The following SYNE2 variants were observed in gnomAD, a reference collection of about 807,000 sequenced individuals.
SYNE2 encodes spectrin repeat containing nuclear envelope protein 2, also known as nesprin-2.
Under a neutral mutation model 856.3 loss-of-function variants are expected in SYNE2, and 431 were observed. The observed-to-expected ratio is 0.50, with a 90% CI of 0.47 to 0.55. The LOEUF is 0.55. SYNE2 is among the 20% of genes least tolerant of loss of function. SYNE2 has a pLI of 0.00. For missense variants in SYNE2, 8,129 were observed against 8,023.2 expected (o/e 1.01, Z -0.50); for synonymous variants, 2,923 against 2,872.3 (o/e 1.02, Z -0.56).
chr14:64,215,037 C>G (rs562223832), intron 106 of SYNE2, among the ~76,000 whole-genome samples: 2 of 152,304 alleles, frequency 1.3e-5, no homozygotes, highest in South Asian at 4.1e-4. Flanking sequence ...ACTGTGCCTA[C>G]CCTCCCTTTC....
intron 1 of SYNE2, among the ~76,000 whole-genome samples, chr14:63,888,465 T>C (rs945031): frequency 0.62 from 94,037 of 152,022 alleles, 29,256 homozygotes; most frequent in South Asian, 0.72. Flanking sequence ...TACTGCTGCC[T>C]ATTCACCATT....
chr14:64,001,742 A>G (rs1177696321), intron 28 of SYNE2, among the ~76,000 whole-genome samples, 192 bp from the exon 29 acceptor site: 1 of 152,252 alleles, frequency 6.6e-6, no homozygotes, highest in Non-Finnish European at 1.5e-5. Flanking sequence ...TGGATATAGC[A>G]ACCAATTCAT....
intron 2 of SYNE2, among the ~76,000 whole-genome samples, chr14:63,925,541 C>G (rs1278804755): frequency 6.6e-6 from 1 of 152,142 alleles, no homozygotes; most frequent in Admixed American, 6.5e-5. Context: ...TTAAACTGAG[C>G]AATTGCATTG....
At chr14:63,966,917 G>A (rs867040314) in intron 10 of SYNE2, among the ~76,000 whole-genome samples, 16 of 151,848 alleles carry the variant, frequency 1.1e-4, no homozygotes, top group Admixed American at 1.3e-4. Flanking sequence ...CCAGGCTGGA[G>A]TGCAGTGGCG....
At chr14:63,794,867 C>T (rs901911179) in intron 1 of SYNE2, among the ~76,000 whole-genome samples, 7 of 152,140 alleles carry the variant, frequency 4.6e-5, no homozygotes, top group Admixed American at 1.3e-4. Flanking sequence ...AAAAGTTAAA[C>T]GTAAGTTTAT....
chr14:64,019,932 G>A, intron 34 of SYNE2, 60 bp from the exon 35 acceptor site: 1 of 1,084,556 alleles, frequency 9.2e-7, no homozygotes, highest in Non-Finnish European at 1.4e-6. Context: ...AGTAATTATG[G>A]GTATCAGAAA....
Position 64,098,941 on chromosome 14 carries a change from A to G in SYNE2, c.12381+120A>G, listed in dbSNP as rs529011633. 407 of 1,002,892 alleles carry G rather than the reference A, an allele frequency of 4.1e-4. 5 individuals carry two copies. Among genetic ancestry groups the G allele is most frequent in the South Asian group, 3.3e-3 (240 of 72,450 alleles). The allele number at this position is 1,002,892 out of a possible 1,614,324, so 62.1% of individuals were successfully genotyped here. A position where few individuals can be genotyped will look rare whatever the true frequency, so the allele number is the denominator to read the frequency against. On this transcript the variant is annotated intron_variant, in intron 63 of 115. Transcript: ENST00000555002. The stretch of plus-strand genomic sequence containing the variant: ...TTTTAAAATTAATGTTGATATTTTA[A>G]AAGTATGATTGAAGTAGTTCTCTTA...
At chr14:64,068,269 G>A (rs1032987368) in intron 51 of SYNE2, among the ~76,000 whole-genome samples, 14 of 152,026 alleles carry the variant, frequency 9.2e-5, no homozygotes, top group South Asian at 4.2e-4. Flanking sequence ...AGTTTCCCTC[G>A]TTCCTCTTTG....
intron 45 of SYNE2, among the ~76,000 whole-genome samples, chr14:64,035,515 A>T (rs376416682): frequency 6.2e-4 from 75 of 121,676 alleles, no homozygotes; most frequent in South Asian, 7.9e-4. Context: ...TACATGGTAC[A>T]TTTTTTTTTT....
chr14:63,814,427 CTT>C (rs1321850014), intron 1 of SYNE2, among the ~76,000 whole-genome samples: 1 of 142,574 alleles, frequency 7.0e-6, no homozygotes, highest in African/African-American at 2.6e-5. Flanking sequence ...AATATATATC[CTT>C]ATATATATCC....
rs538663967 is a variant in SYNE2 at position 63,925,633 on chromosome 14, C to T, written c.80-14981C>T. Among the ~76,000 whole-genome samples the T allele has an allele frequency of 3.9e-5, 6 of 152,262 alleles. No individual in the cohort carries two copies. In the South Asian group the frequency reaches 1.2e-3, roughly 32 times the overall value. ...TTGTAACCATTTTTGCACCCATTAACTATCTACTCTTCCCCTCTACCTGCA... is the reference window on the plus strand; with the variant it reads ...TTGTAACCATTTTTGCACCCATTAATTATCTACTCTTCCCCTCTACCTGCA... On this transcript the variant is annotated intron_variant, in intron 2 of 115. Coordinates refer to ENST00000555002, the MANE Select transcript of SYNE2 (RefSeq NM_182914.3).
Position 64,130,051 on chromosome 14 carries a change from G to A in SYNE2, c.14143G>A (p.Val4715Ile). 6.2e-7 allele frequency: 1 copy of A among 1,613,752 alleles called. No homozygotes were observed. Among genetic ancestry groups the A allele is most frequent in the Non-Finnish European group, 8.5e-7 (1 of 1,180,024 alleles). ...GCACCTGCTCTTCTCTTTTCAGGATGTACTTGACAGTATGTGGGGAATGCT... is the reference window on the plus strand; with the variant it reads ...GCACCTGCTCTTCTCTTTTCAGGATATACTTGACAGTATGTGGGGAATGCT... ...LLQEVYKLED[V>I]LDSMWGMLRA... is the part of the protein sequence containing the mutation. The change falls in exon 76 of 116, where the codon GTA (valine) becomes ATA (isoleucine). Residue 4715 changes from valine to isoleucine, a missense_variant. By Grantham distance (29) the Val-to-Ile change is conservative. Coordinates refer to ENST00000555002, the MANE Select transcript of SYNE2 (RefSeq NM_182914.3).
At chr14:63,950,986 A>T (rs965587697) in intron 7 of SYNE2, among the ~76,000 whole-genome samples, 4 of 152,030 alleles carry the variant, frequency 2.6e-5, no homozygotes, top group African/African-American at 9.7e-5. Context: ...ATTGGGGATA[A>T]TGAAGGAAAG....
intron 1 of SYNE2, among the ~76,000 whole-genome samples, chr14:63,842,836 T>G (rs1595165782): frequency 6.6e-6 from 1 of 152,174 alleles, no homozygotes; most frequent in East Asian, 1.9e-4. Flanking sequence ...GGATCCTTTT[T>G]GTTTGTTCAG....
intron 1 of SYNE2, among the ~76,000 whole-genome samples, chr14:63,868,444 G>A (rs1175804406): frequency 6.6e-6 from 1 of 150,390 alleles, no homozygotes; most frequent in South Asian, 2.1e-4. Flanking sequence ...CACTGCACTC[G>A]AGCCTGGACA....
chr14:63,953,543 G>GAGATAGAT (rs59456660), intron 7 of SYNE2, among the ~76,000 whole-genome samples: 3,411 of 90,588 alleles, frequency 0.038, 41 homozygotes, highest in Middle Eastern at 0.057. Flanking sequence ...GAGAGAGAGA[G>GAGATAGAT]AGATAGATAG....
Position 64,168,872 on chromosome 14 carries a change from T to A in SYNE2, c.16906-5T>A. ...CTGATATTTTCTGCTTGGACTCATA[T>A]ACAGATGTTAGAAGCTGAAGTTTCT... On this transcript the variant is annotated splice_region_variant and splice_polypyrimidine_tract_variant and intron_variant, in intron 92 of 115. Coordinates refer to ENST00000555002, the MANE Select transcript of SYNE2 (RefSeq NM_182914.3). 1.2e-6 allele frequency: 2 copies of A among 1,606,148 alleles called. No individual in the cohort carries two copies. Among genetic ancestry groups the A allele is most frequent in the Non-Finnish European group, 1.7e-6 (2 of 1,172,830 alleles).
intron 74 of SYNE2, among the ~76,000 whole-genome samples, chr14:64,128,956 A>G (rs10047814): frequency 0.24 from 36,034 of 152,158 alleles, 6,951 homozygotes; most frequent in African/African-American, 0.54. Context: ...ACTATGTTCC[A>G]GCACTGTTTG....
intron 80 of SYNE2, 58 bp downstream of exon 80, chr14:64,140,131 A>G: frequency 6.5e-7 from 1 of 1,547,080 alleles, no homozygotes; most frequent in Non-Finnish European, 8.9e-7. Context: ...TATCAAGGAA[A>G]AAGCATCAGG....
Sources: allele counts gnomAD v4.1 joint callset (sites outside exome capture counted in the v4.1 genomes callset), GRCh38; gene constraint gnomAD v4.1.1; transcripts MANE v1.5; gene names NCBI Gene and HGNC (gene_info 2026-07-23, HGNC 2026-07-21).